Variants in TSGA10 observed in about 807,000 individuals in gnomAD.
TSGA10 encodes the protein testis specific 10.
Under a neutral mutation model 96.6 loss-of-function variants are expected in TSGA10, and 43 were observed. The observed-to-expected ratio is 0.44, with a 90% CI of 0.35 to 0.57. TSGA10 has a LOEUF of 0.57. Ranked by LOEUF, TSGA10 falls within the 20% of genes least tolerant of loss-of-function variation. The pLI is 0.01. For missense variants in TSGA10, 703 were observed against 834.4 expected, an observed-to-expected ratio of 0.84 and a Z score of 1.94; for synonymous variants, 229 against 269.9, an observed-to-expected ratio of 0.85 and a Z score of 1.48.
chr2:99,112,449 A>G (rs896712402), intron 4 of TSGA10, among the ~76,000 whole-genome samples: 16 of 152,278 alleles, frequency 1.1e-4, no homozygotes, highest in East Asian at 9.7e-4. Context: ...ACAAATAATT[A>G]TATAGTATAC....
intron 15 of TSGA10, 37 bp from the exon 16 acceptor site, chr2:99,065,161 G>A (rs776003089): frequency 1.3e-6 from 2 of 1,584,554 alleles, no homozygotes; most frequent in South Asian, 2.3e-5. Context: ...TTAAAATGCT[G>A]AACATATGAT....
intron 16 of TSGA10, among the ~76,000 whole-genome samples, chr2:99,039,770 T>C (rs2082019934): frequency 6.6e-6 from 1 of 152,130 alleles, no homozygotes; most frequent in Non-Finnish European, 1.5e-5. Flanking sequence ...AATCATTCTA[T>C]GAAGCCAATA....
intron 16 of TSGA10, among the ~76,000 whole-genome samples, chr2:99,063,693 C>T (rs1264498299): frequency 6.6e-6 from 1 of 151,860 alleles, no homozygotes; most frequent in Non-Finnish European, 1.5e-5. Flanking sequence ...GTAGTCCCAG[C>T]TACTTGGGAG....
chr2:99,018,097 C>T, intron 20 of TSGA10, 103 bp downstream of exon 20: 2 of 1,084,230 alleles, frequency 1.8e-6, no homozygotes, highest in Non-Finnish European at 2.5e-6. Flanking sequence ...GTTTAAATAT[C>T]ACTATTAAAG....
chr2:99,118,141 T>C (rs971947695), intron 3 of TSGA10, among the ~76,000 whole-genome samples: 47 of 152,180 alleles, frequency 3.1e-4, no homozygotes, highest in African/African-American at 1.1e-3. Flanking sequence ...TTTCTAATTA[T>C]TGTTATTAAA....
At chr2:99,039,239 A>G (rs1266941710) in intron 16 of TSGA10, among the ~76,000 whole-genome samples, 2 of 151,950 alleles carry the variant, frequency 1.3e-5, no homozygotes, top group Admixed American at 1.3e-4. Flanking sequence ...AAACAAGAAC[A>G]AACCAAACTC....
chr2:99,090,844 C>T (rs12619780), intron 10 of TSGA10, among the ~76,000 whole-genome samples: 84,081 of 152,004 alleles, frequency 0.55, 23,930 homozygotes, highest in Middle Eastern at 0.71. Flanking sequence ...GCATGGGAAA[C>T]GTATTTGGGG....
intron 16 of TSGA10, among the ~76,000 whole-genome samples, chr2:99,042,004 T>C (rs533927283): frequency 6.7e-6 from 1 of 149,388 alleles, no homozygotes; most frequent in East Asian, 2.0e-4. Context: ...GATCAAAAAG[T>C]GGGCTATGCA....
chr2:99,109,400 G>T lies in TSGA10; in HGVS notation c.40C>A (p.Pro14Thr). 1 of 1,614,040 alleles carries T rather than the reference G, an allele frequency of 6.2e-7. No individual in the cohort carries two copies. Among genetic ancestry groups the T allele is most frequent in the Non-Finnish European group, 8.5e-7 (1 of 1,179,928 alleles). Residue 14 changes from proline (P) to threonine (T), a missense_variant, in exon 6 of 21, where the codon CCA becomes ACA. Physicochemically the swap from Pro to Thr is conservative, Grantham distance 38. Transcript: ENST00000393483. Reference sequence around the variant, plus strand: ...TTTATAAAACCTACCCGGGCAGTTGGTGATGGGCGTCTTGGACTTTTAGAC... The same window carrying T: ...TTTATAAAACCTACCCGGGCAGTTGTTGATGGGCGTCTTGGACTTTTAGAC... ...SRSKSPRRPS[P>T]TARGANCDVE...
chr2:98,997,965 T>C lies in TSGA10; in HGVS notation c.*232A>G, dbSNP rs2077588827. 2.4e-6 allele frequency: 1 copy of C among 415,638 alleles called. No individual in the cohort carries two copies. The allele number at this position is 415,638 out of a possible 1,614,324, so 25.7% of individuals were successfully genotyped here. On this transcript the variant is annotated 3_prime_UTR_variant, in exon 21 of 21. Transcript: ENST00000393483. ...GTTCAATAGTGAAGTAAGCAGATTTTACACTCACTATCACTGCATGGATAG... is the reference window on the plus strand; with the variant it reads ...GTTCAATAGTGAAGTAAGCAGATTTCACACTCACTATCACTGCATGGATAG...
At chr2:99,150,637 C>G (rs767920215) in intron 1 of TSGA10, 1 of 1,613,762 alleles carries the variant, frequency 6.2e-7, no homozygotes, top group African/African-American at 1.3e-5. Context: ...TCACTTAATA[C>G]GAGGGACTGA....
chr2:99,099,921 T>G (rs143148063), intron 10 of TSGA10, among the ~76,000 whole-genome samples: 1,628 of 152,234 alleles, frequency 0.011, 9 homozygotes, highest in Middle Eastern at 0.027. Flanking sequence ...AGCCACAATT[T>G]TTAAAAACAG....
intron 20 of TSGA10, among the ~76,000 whole-genome samples, chr2:99,006,273 A>G (rs1289674423): frequency 6.6e-6 from 1 of 152,190 alleles, no homozygotes; most frequent in East Asian, 1.9e-4. Flanking sequence ...CAATGGCAAC[A>G]AAAGCCAAAA....
At chr2:99,095,833 G>A (rs1176236547) in intron 10 of TSGA10, among the ~76,000 whole-genome samples, 9 of 152,168 alleles carry the variant, frequency 5.9e-5, no homozygotes, top group African/African-American at 1.9e-4. Context: ...TAGAGACGGA[G>A]TTTCACCATT....
chr2:99,040,868 A>T (rs913683991), intron 16 of TSGA10, among the ~76,000 whole-genome samples: 3 of 152,218 alleles, frequency 2.0e-5, no homozygotes, highest in African/African-American at 7.2e-5. Context: ...TAAAAATAAA[A>T]TAATAGACAC....
chr2:99,066,030 G>A (rs1431807637), intron 15 of TSGA10, among the ~76,000 whole-genome samples: 1 of 152,054 alleles, frequency 6.6e-6, no homozygotes, highest in Non-Finnish European at 1.5e-5. Context: ...TTTTTAAAAG[G>A]CACTAGATCT....
intron 16 of TSGA10, among the ~76,000 whole-genome samples, chr2:99,041,090 C>T (rs866815709): frequency 1.2e-4 from 19 of 152,192 alleles, no homozygotes; most frequent in African/African-American, 4.3e-4. Context: ...CTTGCACTTA[C>T]CTATTTAGGA....
chr2:99,147,500 C>T (rs1363682913), intron 1 of TSGA10: 2 of 1,613,626 alleles, frequency 1.2e-6, no homozygotes, highest in Non-Finnish European at 1.7e-6. Flanking sequence ...TAAGGTAAGA[C>T]TCACAGGGCC....
intron 1 of TSGA10, chr2:99,150,585 T>C (rs772061906): frequency 6.8e-6 from 11 of 1,613,752 alleles, no homozygotes; most frequent in Non-Finnish European, 9.3e-6. Flanking sequence ...GTAAATCTGC[T>C]ACTCAGGTAT....
Sources: allele counts gnomAD v4.1 joint callset (sites outside exome capture counted in the v4.1 genomes callset), GRCh38; gene constraint gnomAD v4.1.1; transcripts MANE v1.5; gene names NCBI Gene and HGNC (gene_info 2026-07-23, HGNC 2026-07-21).